The following TFB1M variants were observed in gnomAD, a reference collection of about 807,000 sequenced individuals.
The protein encoded by TFB1M is dimethyladenosine transferase 1, mitochondrial.
TFB1M carries 27 observed loss-of-function variants against 31.1 expected under a neutral mutation model. The ratio of observed to expected loss-of-function variants is 0.87; its 90% CI spans 0.64 to 1.20. The LOEUF (loss-of-function observed/expected upper bound fraction) is 1.20, where lower values mean the gene tolerates loss of function less well. Among genes scored for constraint, TFB1M ranks in the 50% most tolerant of loss-of-function variants. TFB1M has a pLI of 0.00. For missense variants in TFB1M, 394 were observed against 418.7 expected (o/e 0.94, Z 0.51); for synonymous variants, 166 against 151.8 (o/e 1.09, Z -0.69).
At chr6:155,278,553 A>C (rs1785326504) in intron 5 of TFB1M, among the ~76,000 whole-genome samples, 1 of 152,222 alleles carries the variant, frequency 6.6e-6, no homozygotes, top group Non-Finnish European at 1.5e-5. Flanking sequence ...CTAAAACCTA[A>C]CACATGCCAG....
At chr6:155,283,792 T>C (rs998722822) in intron 5 of TFB1M, among the ~76,000 whole-genome samples, 3 of 152,262 alleles carry the variant, frequency 2.0e-5, no homozygotes, top group Non-Finnish European at 2.9e-5. Flanking sequence ...TAAAATGTTA[T>C]ATGCACACAC....
the TFB1M span, among the ~76,000 whole-genome samples, chr6:155,238,286 T>C: frequency 6.6e-6 from 1 of 152,356 alleles, no homozygotes; most frequent in East Asian, 1.9e-4. Context: ...TGGACCTTAT[T>C]ATTCATTTCA....
chr6:155,276,292 A>G lies in TFB1M; in HGVS notation c.666+8866T>C, dbSNP rs1449094719. 4.3e-6 allele frequency: 7 copies of G among 1,613,954 alleles called. No individual in the cohort carries two copies. In the South Asian group the frequency reaches 5.5e-5, roughly 13 times the overall value. On this transcript the variant is annotated intron_variant, in intron 5 of 6. Transcript: ENST00000367166. ...CCTCCTGTATAAAAAGGAATCCAGA[A>G]GCTAGACTCGACCCACCCACACAGC...
intron 4 of TFB1M, among the ~76,000 whole-genome samples, chr6:155,288,038 G>A (rs1776744852): frequency 6.6e-6 from 1 of 152,164 alleles, no homozygotes; most frequent in African/African-American, 2.4e-5. Context: ...CACACACATA[G>A]TCTAATCACT....
At chr6:155,259,713 TG>T (rs1784304981) in intron 6 of TFB1M, among the ~76,000 whole-genome samples, 1 of 152,252 alleles carries the variant, frequency 6.6e-6, no homozygotes, top group African/African-American at 2.4e-5. Context: ...TGGCTCTTTC[TG>T]GATCTGCAAC....
chr6:155,258,536 A>G (rs1784230394), intron 6 of TFB1M, among the ~76,000 whole-genome samples: 1 of 83,632 alleles, frequency 1.2e-5, no homozygotes, highest in South Asian at 4.2e-4. Context: ...TTTTTTTGCT[A>G]AAAGTTTGAA....
chr6:155,251,813 C>T (rs117092592), downstream of TFB1M: 21,600 of 694,738 alleles, frequency 0.031, 455 homozygotes, highest in Non-Finnish European at 0.042. Context: ...TTTATTCACT[C>T]ATGTTGGCAG....
intron 4 of TFB1M, among the ~76,000 whole-genome samples, chr6:155,288,106 T>C (rs1315962643): frequency 6.6e-6 from 1 of 152,212 alleles, no homozygotes; most frequent in African/African-American, 2.4e-5. Context: ...TTTACCTTAT[T>C]AGAGCTTTGC....
At chr6:155,301,994 G>T (rs1391383566) in intron 2 of TFB1M, among the ~76,000 whole-genome samples, 1 of 151,944 alleles carries the variant, frequency 6.6e-6, no homozygotes, top group Non-Finnish European at 1.5e-5. Flanking sequence ...TCTTTCTGTG[G>T]CCATTTAAAA....
Position 155,305,246 on chromosome 6 carries a change from T to TTATATATATATTAAATTATATATTTA in TFB1M, c.285+5916_285+5941dup, listed in dbSNP as rs1562424804. On this transcript the variant is annotated intron_variant, in intron 2 of 6. Transcript: ENST00000367166. Reference sequence around the variant, plus strand: ...TATATATATATATTAAATTATATATTTATATATATATTAAATTATATATTT... The same window carrying TTATATATATATTAAATTATATATTTA: ...TATATATATATATTAAATTATATATTTATATATATATTAAATTATATATTTATATATATATATTAAATTATATATTT... Among the ~76,000 whole-genome samples, 27 of 32,810 alleles carry TTATATATATATTAAATTATATATTTA rather than the reference T, an allele frequency of 8.2e-4. 5 individuals carry two copies. The highest frequency in any genetic ancestry group is 3.0e-3 in the African/African-American group (23 of 7,606). 21.5% of individuals were successfully genotyped at this position (32,810 alleles called of 152,430 possible).
chr6:155,257,262 T>TAA lies in TFB1M; in HGVS notation c.*572_*573dup, dbSNP rs1784118994. 1.1e-6 allele frequency: 1 copy of TAA among 942,658 alleles called. No homozygotes were observed. The highest frequency in any genetic ancestry group is 1.5e-6 in the Non-Finnish European group (1 of 649,762). 58.4% of individuals were successfully genotyped at this position (942,658 alleles called of 1,614,324 possible). ...TATACATTTTCCCACAAAATGGTTG[T>TAA]AAAGATTTAAGTTATTTTAATTTAT... On this transcript the variant is annotated 3_prime_UTR_variant, in exon 7 of 7. Transcript: ENST00000367166.
intron 5 of TFB1M, chr6:155,260,882 AGC>A (rs1784365626): frequency 1.2e-5 from 3 of 247,120 alleles, no homozygotes; most frequent in South Asian, 5.1e-5. Context: ...CTGATTAATC[AGC>A]TGGACTGAAT....
chr6:155,295,555 T>C (rs894137006), intron 4 of TFB1M, among the ~76,000 whole-genome samples: 1 of 151,996 alleles, frequency 6.6e-6, no homozygotes, highest in African/African-American at 2.4e-5. Flanking sequence ...ATTACCCATG[T>C]TGGGGGTGGG....
the TFB1M span, among the ~76,000 whole-genome samples, chr6:155,243,168 T>A: frequency 6.6e-6 from 1 of 152,060 alleles, no homozygotes; most frequent in Non-Finnish European, 1.5e-5. Flanking sequence ...GTTTAGCCAT[T>A]AGAGCTGCAG....
At position 155,256,373 on chromosome 6, in the gene TFB1M, A is replaced by G. The variant is rs1224207129; in HGVS notation, c.*1463T>C. 5 of 1,478,552 alleles carry G rather than the reference A, an allele frequency of 3.4e-6. No individual in the cohort carries two copies. Among genetic ancestry groups the G allele is most frequent in the East Asian group, 4.7e-5 (2 of 42,886 alleles). The allele number at this position is 1,478,552 out of a possible 1,614,324, so 91.6% of individuals were successfully genotyped here. On this transcript the variant is annotated 3_prime_UTR_variant, in exon 7 of 7. Coordinates refer to ENST00000367166, the MANE Select transcript of TFB1M (RefSeq NM_016020.4). The stretch of plus-strand genomic sequence containing the variant: ...ACCAGGATAGTTGCTAACTGAAGTC[A>G]TATCATAAAATAAAATCTTAATGTT...
At chr6:155,304,097 A>G (rs1043242248) in intron 2 of TFB1M, among the ~76,000 whole-genome samples, 6 of 152,146 alleles carry the variant, frequency 3.9e-5, no homozygotes, top group South Asian at 2.1e-4. Flanking sequence ...CCTGGACAAC[A>G]TGATGAAACC....
At chr6:155,260,095 C>T (rs1784323800) in intron 6 of TFB1M, among the ~76,000 whole-genome samples, 178 bp downstream of exon 6, 1 of 152,226 alleles carries the variant, frequency 6.6e-6, no homozygotes, top group Non-Finnish European at 1.5e-5. Context: ...GAGAGGCCAC[C>T]TGAGGTCTAG....
At chr6:155,304,114 C>T (rs1056818969) in intron 2 of TFB1M, among the ~76,000 whole-genome samples, 3 of 152,000 alleles carry the variant, frequency 2.0e-5, no homozygotes, top group African/African-American at 7.3e-5. Context: ...AACCCAGTCT[C>T]TATTAAAAAT....
At chr6:155,253,955 C>A (rs568371706), downstream of TFB1M, 1 of 1,603,696 alleles carries the variant, frequency 6.2e-7, no homozygotes, top group African/African-American at 1.3e-5. Flanking sequence ...ACTCTTGTTT[C>A]CATTTCCTTT....
Sources: allele counts gnomAD v4.1 joint callset (sites outside exome capture counted in the v4.1 genomes callset), GRCh38; gene constraint gnomAD v4.1.1; transcripts MANE v1.5; gene names NCBI Gene and HGNC (gene_info 2026-07-23, HGNC 2026-07-21).